The following ZFHX3 variants were observed in gnomAD, a reference collection of about 807,000 sequenced individuals.
ZFHX3 encodes the protein zinc finger homeobox protein 3.
ZFHX3 carries 42 observed loss-of-function variants against 279.1 expected under a neutral mutation model. The observed-to-expected ratio is 0.15, with a 90% CI of 0.12 to 0.19. The LOEUF (loss-of-function observed/expected upper bound fraction) is 0.19, where lower values mean the gene tolerates loss of function less well. ZFHX3 is among the 10% of genes least tolerant of loss of function. The pLI is 1.00. For synonymous variants in ZFHX3, 2,293 were observed against 1,957.8 expected (o/e 1.17, Z -4.52); for missense variants, 4,981 against 4,754.0 (o/e 1.05, Z -1.40).
chr16:73,196,981 G>T (rs1172779596), intron 5 of ZFHX3, among the ~76,000 whole-genome samples: 1 of 152,110 alleles, frequency 6.6e-6, no homozygotes, highest in Non-Finnish European at 1.5e-5. Flanking sequence ...TTGGTAGCAC[G>T]ACTTGGAACA....
chr16:73,143,827 C>G (rs1302747940), exon 6 of ZFHX3: 1 of 1,290,908 alleles, frequency 7.7e-7, no homozygotes, highest in Non-Finnish European at 1.0e-6. Context: ...CTTATATCTT[C>G]CGAGCTGAAG....
At chr16:73,373,146 G>T (rs867724464) in intron 3 of ZFHX3, among the ~76,000 whole-genome samples, 27 of 152,022 alleles carry the variant, frequency 1.8e-4, no homozygotes, top group Middle Eastern at 3.4e-3. Flanking sequence ...GAGGTTTGGG[G>T]GGGGGGTGGT....
intron 1 of ZFHX3, among the ~76,000 whole-genome samples, chr16:72,970,534 G>T (rs898030533): frequency 1.3e-5 from 2 of 152,040 alleles, no homozygotes; most frequent in Non-Finnish European, 2.9e-5. Context: ...TCCCCTCCCG[G>T]ATTTGCAGCA....
chr16:73,082,115 G>C (rs1567659079), intron 8 of ZFHX3, among the ~76,000 whole-genome samples: 1 of 151,846 alleles, frequency 6.6e-6, no homozygotes, highest in Non-Finnish European at 1.5e-5. Context: ...GGGATTACAG[G>C]TGTGAGCCAC....
intron 3 of ZFHX3, among the ~76,000 whole-genome samples, chr16:73,445,615 C>T (rs1219538344): frequency 6.6e-6 from 1 of 152,042 alleles, no homozygotes; most frequent in Non-Finnish European, 1.5e-5. Flanking sequence ...CATAGTGTGC[C>T]CCAGCATAGG....
chr16:73,212,256 A>T (rs2012047033), intron 5 of ZFHX3, among the ~76,000 whole-genome samples: 1 of 152,146 alleles, frequency 6.6e-6, no homozygotes, highest in Admixed American at 6.5e-5. Context: ...CTTTCTGTGC[A>T]TATATATCTA....
intron 7 of ZFHX3, among the ~76,000 whole-genome samples, chr16:72,803,109 A>G (rs1404109164): frequency 6.6e-6 from 1 of 152,062 alleles, no homozygotes; most frequent in Non-Finnish European, 1.5e-5. Flanking sequence ...AGGCGGGTGG[A>G]TCATTTGAGG....
chr16:72,905,541 T>C (rs773765018), intron 3 of ZFHX3, among the ~76,000 whole-genome samples: 4 of 151,884 alleles, frequency 2.6e-5, no homozygotes, highest in Non-Finnish European at 4.4e-5. Flanking sequence ...ATCGAGACGA[T>C]CAAGACCACA....
At chr16:73,632,839 G>A (rs1357976432) in intron 2 of ZFHX3, among the ~76,000 whole-genome samples, 2 of 152,232 alleles carry the variant, frequency 1.3e-5, no homozygotes, top group African/African-American at 2.4e-5. Flanking sequence ...CACTTTGGGA[G>A]GCCGAGGCAG....
rs543732062 is a variant in ZFHX3, at chr16:72,866,846, C to A, written c.3448+22885G>T. 4.3e-4 allele frequency among the ~76,000 whole-genome samples: 65 copies of A among 152,338 alleles called. 1 individual carries two copies. The South Asian group carries it at 0.013, about 30-fold the overall frequency. ...CAACCCCACCCATTCACCATCCACA[C>A]AGGCACAAACCCACCGACCTGCAGT... On this transcript the variant is annotated intron_variant, in intron 4 of 9. Transcript: ENST00000268489.
intron 2 of ZFHX3, among the ~76,000 whole-genome samples, chr16:73,582,306 G>T (rs888912073): frequency 6.6e-6 from 1 of 151,674 alleles, no homozygotes; most frequent in African/African-American, 2.4e-5. Flanking sequence ...GCTTTCATTT[G>T]TCTTCCATGG....
chr16:73,777,998 C>G (rs1959316906), intron 1 of ZFHX3, among the ~76,000 whole-genome samples: 1 of 151,852 alleles, frequency 6.6e-6, no homozygotes, highest in East Asian at 1.9e-4. Context: ...CCCTTGCATT[C>G]CAGCCTGGAT....
At chr16:73,589,140 A>G (rs1367692165) in intron 2 of ZFHX3, among the ~76,000 whole-genome samples, 1 of 150,308 alleles carries the variant, frequency 6.7e-6, no homozygotes, top group East Asian at 2.0e-4. Flanking sequence ...CACGCCTGTA[A>G]TCCCAGCTAC....
intron 6 of ZFHX3, among the ~76,000 whole-genome samples, chr16:73,141,404 T>A (rs1966847486): frequency 2.0e-5 from 3 of 152,248 alleles, no homozygotes; most frequent in African/African-American, 7.2e-5. Flanking sequence ...AATAATTTTT[T>A]TTTTTTTTTC....
At chr16:73,831,446 G>A (rs1028890630) in intron 1 of ZFHX3, among the ~76,000 whole-genome samples, 1 of 152,096 alleles carries the variant, frequency 6.6e-6, no homozygotes, top group Non-Finnish European at 1.5e-5. Context: ...ATGGGAATGG[G>A]CAAAATGACA....
At chr16:73,863,487 C>T (rs923619023) in intron 1 of ZFHX3, among the ~76,000 whole-genome samples, 5 of 152,122 alleles carry the variant, frequency 3.3e-5, no homozygotes, top group African/African-American at 4.8e-5. Context: ...GGGAGATAGT[C>T]TTCACACAGA....
intron 9 of ZFHX3, 148 bp from the exon 10 acceptor site, chr16:72,788,996 C>T (rs983455193): frequency 1.1e-5 from 14 of 1,225,522 alleles, no homozygotes; most frequent in Non-Finnish European, 1.3e-5. Flanking sequence ...ACAGAAGTAT[C>T]CCACCAGGCT....
chr16:73,387,760 A>G (rs1237846035), intron 3 of ZFHX3, among the ~76,000 whole-genome samples: 1 of 152,034 alleles, frequency 6.6e-6, no homozygotes, highest in African/African-American at 2.4e-5. Flanking sequence ...AATATAATAT[A>G]TCTTTATACA....
At chr16:73,000,673 C>T (rs995673837) in intron 1 of ZFHX3, among the ~76,000 whole-genome samples, 28 of 152,262 alleles carry the variant, frequency 1.8e-4, no homozygotes, top group African/African-American at 6.3e-4. Context: ...ATGTTTTCAG[C>T]GGCCAAACAC....
Sources: gnomAD v4.1 joint callset for allele counts (sites outside exome capture counted in the v4.1 genomes callset) on GRCh38, gnomAD v4.1.1 for gene constraint, MANE v1.5 for transcripts, NCBI Gene and HGNC (gene_info 2026-07-23, HGNC 2026-07-21) for gene names.